Variants in EFCAB6 observed in about 807,000 individuals in gnomAD.
EFCAB6 encodes the protein EF-hand calcium-binding domain-containing protein 6.
A neutral mutation model predicts 169.8 loss-of-function variants in EFCAB6; 156 were observed. The ratio of observed to expected loss-of-function variants is 0.92; its 90% CI spans 0.81 to 1.05. EFCAB6 has a LOEUF of 1.05. EFCAB6 is among the 50% of genes least tolerant of loss of function. The pLI, the probability that EFCAB6 is intolerant of heterozygous loss-of-function variation, is 0.00. For missense variants in EFCAB6, 1,800 were observed against 1,829.1 expected (o/e 0.98, Z 0.29); for synonymous variants, 698 against 676.4 (o/e 1.03, Z -0.50).
At chr22:43,614,128 C>A in intron 21 of EFCAB6, among the ~76,000 whole-genome samples, 1 of 127,566 alleles carries the variant, frequency 7.8e-6, no homozygotes, top group African/African-American at 3.1e-5. Context: ...GGTAGAGATC[C>A]ATAAACTTAT....
intron 2 of EFCAB6, among the ~76,000 whole-genome samples, chr22:43,806,092 G>C (rs1210257607): frequency 6.6e-6 from 1 of 150,884 alleles, no homozygotes; most frequent in African/African-American, 2.4e-5. Context: ...CTTGAACCCA[G>C]GAGGTGAAAG....
Position 43,580,669 on chromosome 22 carries a change from A to G in EFCAB6, c.3033-10T>C. 3 of 1,612,864 alleles carry G rather than the reference A, an allele frequency of 1.9e-6. No individual in the cohort carries two copies. The highest frequency in any genetic ancestry group is 2.5e-6 in the Non-Finnish European group (3 of 1,179,622). On this transcript the variant is annotated splice_polypyrimidine_tract_variant and intron_variant, in intron 24 of 31. Coordinates refer to ENST00000262726, the MANE Select transcript of EFCAB6 (RefSeq NM_022785.4). ...CCGGCTGACTCCCCAACTTGTCCCAAAAGGAAGAAAAGAACATATTCATTT... is the reference window on the plus strand; with the variant it reads ...CCGGCTGACTCCCCAACTTGTCCCAGAAGGAAGAAAAGAACATATTCATTT...
At chr22:43,574,968 A>C (rs1379924997) in intron 26 of EFCAB6, among the ~76,000 whole-genome samples, 1 of 152,184 alleles carries the variant, frequency 6.6e-6, no homozygotes, top group East Asian at 1.9e-4. Flanking sequence ...CGTTTCTGGG[A>C]AGCTGAACAT....
chr22:43,784,571 GTACATATACACA>G (rs2061967048), intron 2 of EFCAB6, among the ~76,000 whole-genome samples: 3 of 62,650 alleles, frequency 4.8e-5, no homozygotes, highest in Non-Finnish European at 6.1e-5. Context: ...ATATATATGT[GTACATATACACA>G]TATATATGTA....
chr22:43,576,241 A>G (rs1183403811), intron 26 of EFCAB6, 56 bp downstream of exon 26: 2 of 1,485,852 alleles, frequency 1.3e-6, no homozygotes, highest in East Asian at 2.4e-5. Context: ...CCATTTTGTA[A>G]AAACTAATTT....
chr22:43,635,287 C>T (rs1236321320), intron 17 of EFCAB6, 71 bp from the exon 18 acceptor site: 2 of 1,101,762 alleles, frequency 1.8e-6, no homozygotes, highest in Non-Finnish European at 2.8e-6. Flanking sequence ...AGAGCACCTC[C>T]TGCCCCTGTG....
chr22:43,788,570 A>G (rs1185527548), intron 2 of EFCAB6, among the ~76,000 whole-genome samples: 1 of 152,228 alleles, frequency 6.6e-6, no homozygotes, highest in Non-Finnish European at 1.5e-5. Context: ...AATAAAACAA[A>G]CAAAGAATAA....
At chr22:43,575,161 T>G (rs2050156476) in intron 26 of EFCAB6, among the ~76,000 whole-genome samples, 1 of 145,120 alleles carries the variant, frequency 6.9e-6, no homozygotes. Context: ...ATATATTCAG[T>G]TAATAGACTG....
At chr22:43,658,896 C>A (rs73887377) in intron 17 of EFCAB6, among the ~76,000 whole-genome samples, 54 of 152,314 alleles carry the variant, frequency 3.5e-4, no homozygotes, top group African/African-American at 1.2e-3. Context: ...CACTCCTCCC[C>A]CAACACACAC....
intron 2 of EFCAB6, among the ~76,000 whole-genome samples, chr22:43,804,481 T>G (rs2062838443): frequency 6.6e-6 from 1 of 152,162 alleles, no homozygotes; most frequent in Non-Finnish European, 1.5e-5. Flanking sequence ...GATCAGTGAC[T>G]GGACACGGTG....
intron 6 of EFCAB6, among the ~76,000 whole-genome samples, chr22:43,738,754 G>A (rs1340614548): frequency 6.6e-6 from 1 of 151,994 alleles, no homozygotes; most frequent in Non-Finnish European, 1.5e-5. Flanking sequence ...TCCACCTCCT[G>A]CTTTACTGAC....
intron 2 of EFCAB6, among the ~76,000 whole-genome samples, chr22:43,787,563 T>C (rs868180805): frequency 6.6e-6 from 1 of 152,152 alleles, no homozygotes; most frequent in African/African-American, 2.4e-5. Context: ...AAAAGTACAA[T>C]ATTTGTGCAC....
intron 22 of EFCAB6, among the ~76,000 whole-genome samples, chr22:43,604,777 C>T (rs2052788854): frequency 6.6e-6 from 1 of 151,836 alleles, no homozygotes; most frequent in Admixed American, 6.6e-5. Context: ...TATTTGAATA[C>T]TGATATATAA....
intron 3 of EFCAB6, among the ~76,000 whole-genome samples, chr22:43,775,573 G>A (rs2061613961): frequency 6.6e-6 from 1 of 152,162 alleles, no homozygotes; most frequent in Admixed American, 6.5e-5. Flanking sequence ...CTCCCGAGTA[G>A]CTGTGACTAT....
chr22:43,746,654 T>C (rs2060574413), intron 6 of EFCAB6, among the ~76,000 whole-genome samples: 1 of 152,128 alleles, frequency 6.6e-6, no homozygotes, highest in African/African-American at 2.4e-5. Context: ...CTCATGCCTG[T>C]AACCCCAGCA....
chr22:43,721,107 G>T (rs939883621), intron 8 of EFCAB6, among the ~76,000 whole-genome samples: 7 of 152,030 alleles, frequency 4.6e-5, no homozygotes, highest in Non-Finnish European at 8.8e-5. Context: ...GTCAAATCAA[G>T]AATACAATCC....
chr22:43,646,550 A>T (rs1219920838), intron 17 of EFCAB6, among the ~76,000 whole-genome samples: 1 of 152,242 alleles, frequency 6.6e-6, no homozygotes, highest in Non-Finnish European at 1.5e-5. Context: ...TTTCGGATGT[A>T]GACCCTAGCA....
intron 12 of EFCAB6, among the ~76,000 whole-genome samples, chr22:43,681,457 T>C (rs1328011823): frequency 6.6e-6 from 1 of 152,222 alleles, no homozygotes; most frequent in Non-Finnish European, 1.5e-5. Flanking sequence ...ATCAGGGTAA[T>C]ACTGGCCTCA....
intron 12 of EFCAB6, among the ~76,000 whole-genome samples, chr22:43,680,983 A>T (rs1286050785): frequency 2.0e-5 from 3 of 152,202 alleles, no homozygotes; most frequent in East Asian, 3.8e-4. Flanking sequence ...GACTGTCCAG[A>T]ACTCTAGCAC....
Sources: allele counts gnomAD v4.1 joint callset (sites outside exome capture counted in the v4.1 genomes callset), GRCh38; gene constraint gnomAD v4.1.1; transcripts MANE v1.5; gene names NCBI Gene and HGNC (gene_info 2026-07-23, HGNC 2026-07-21).